Variants in CNTNAP2 observed in about 807,000 individuals in gnomAD.
CNTNAP2 encodes the protein contactin-associated protein-like 2.
Under a neutral mutation model 155.2 loss-of-function variants are expected in CNTNAP2, and 98 were observed. The ratio of observed to expected loss-of-function variants is 0.63; its 90% CI spans 0.54 to 0.75. The LOEUF is 0.75. CNTNAP2 is among the 30% of genes least tolerant of loss of function. The pLI is 0.00. For synonymous variants in CNTNAP2, 651 were observed against 631.2 expected, an observed-to-expected ratio of 1.03 and a Z score of -0.47; for missense variants, 1,727 against 1,688.1, an observed-to-expected ratio of 1.02 and a Z score of -0.40.
At chr7:146,161,566 T>A (rs989697789) in intron 1 of CNTNAP2, among the ~76,000 whole-genome samples, 1 of 152,144 alleles carries the variant, frequency 6.6e-6, no homozygotes, top group Non-Finnish European at 1.5e-5. Flanking sequence ...AGAATCAATA[T>A]TGTGAAAATG....
intron 18 of CNTNAP2, among the ~76,000 whole-genome samples, chr7:148,198,566 G>A (rs1165031646): frequency 4.6e-5 from 7 of 152,148 alleles, no homozygotes; most frequent in South Asian, 2.1e-4. Context: ...GATTGTGACC[G>A]TATGTGTCCC....
intron 12 of CNTNAP2, among the ~76,000 whole-genome samples, chr7:147,611,617 T>C (rs993751329): frequency 6.6e-6 from 1 of 152,232 alleles, no homozygotes; most frequent in Non-Finnish European, 1.5e-5. Flanking sequence ...CAGTGCTTCA[T>C]CTGTCATCCA....
intron 3 of CNTNAP2, among the ~76,000 whole-genome samples, chr7:146,876,844 G>C (rs1247501015): frequency 6.6e-6 from 1 of 152,126 alleles, no homozygotes; most frequent in African/African-American, 2.4e-5. Context: ...AGAAAAGACT[G>C]GAGGAAATGC....
At chr7:146,860,412 G>A (rs900241808) in intron 3 of CNTNAP2, among the ~76,000 whole-genome samples, 1 of 152,186 alleles carries the variant, frequency 6.6e-6, no homozygotes. Context: ...GTGGCAGGGT[G>A]TGTGGCCTGG....
intron 1 of CNTNAP2, among the ~76,000 whole-genome samples, chr7:146,331,030 C>T (rs1190017535): frequency 6.6e-6 from 1 of 152,116 alleles, no homozygotes; most frequent in Admixed American, 6.5e-5. Flanking sequence ...CATGGCCGGG[C>T]GCGGTGGCTC....
At chr7:147,642,336 G>T (rs1332845353) in intron 13 of CNTNAP2, among the ~76,000 whole-genome samples, 1 of 151,892 alleles carries the variant, frequency 6.6e-6, no homozygotes, top group East Asian at 1.9e-4. Flanking sequence ...TTTTGCTCTG[G>T]TAATTAAAAA....
chr7:147,025,503 G>A (rs1798901110), intron 3 of CNTNAP2, among the ~76,000 whole-genome samples: 1 of 73,688 alleles, frequency 1.4e-5, no homozygotes, highest in Admixed American at 1.4e-4. Flanking sequence ...GAGGGGAGGG[G>A]GACGGGGAGA....
intron 15 of CNTNAP2, among the ~76,000 whole-genome samples, chr7:148,089,759 C>A (rs1053929804): frequency 6.6e-6 from 1 of 151,580 alleles, no homozygotes; most frequent in Non-Finnish European, 1.5e-5. Context: ...ATTCCAATAA[C>A]ATTTTTTACA....
intron 1 of CNTNAP2, among the ~76,000 whole-genome samples, chr7:146,353,050 G>C (rs1036748071): frequency 3.3e-5 from 5 of 152,020 alleles, no homozygotes; most frequent in Non-Finnish European, 5.9e-5. Context: ...CACCGCGCCC[G>C]GCCAGGGGAT....
At position 146,571,704 on chromosome 7, in the gene CNTNAP2, T is replaced by A. The variant is rs566733947; in HGVS notation, c.98-202567T>A. Among the ~76,000 whole-genome samples the A allele has an allele frequency of 2.6e-3, 387 of 150,692 alleles. 3 individuals are homozygous for A. The highest frequency in any genetic ancestry group is 3.9e-3 in the Non-Finnish European group (263 of 67,840). Reference sequence around the variant, plus strand: ...AGGCGATAGTGTTGTTGCATAGGCATTTAAACATTTAAAAACTTTTCTTTT... The same window carrying A: ...AGGCGATAGTGTTGTTGCATAGGCAATTAAACATTTAAAAACTTTTCTTTT... On this transcript the variant is annotated intron_variant, in intron 1 of 23. Coordinates refer to ENST00000361727, the MANE Select transcript of CNTNAP2 (RefSeq NM_014141.6).
chr7:146,968,073 GT>G (rs1563024591), intron 3 of CNTNAP2, among the ~76,000 whole-genome samples: 1 of 150,074 alleles, frequency 6.7e-6, no homozygotes, highest in African/African-American at 2.4e-5. Flanking sequence ...ATAATCATGT[GT>G]TTTTTGTCTT....
intron 4 of CNTNAP2, among the ~76,000 whole-genome samples, chr7:147,106,939 T>C (rs1800777674): frequency 6.6e-6 from 1 of 152,178 alleles, no homozygotes; most frequent in Admixed American, 6.6e-5. Context: ...AATATTTCTC[T>C]GACAGGCTTT....
intron 21 of CNTNAP2, among the ~76,000 whole-genome samples, chr7:148,270,977 A>G (rs6464863): frequency 0.76 from 115,671 of 152,168 alleles, 44,117 homozygotes; most frequent in South Asian, 0.87. Context: ...TAATCTATTT[A>G]CAGCAGGCTG....
intron 1 of CNTNAP2, among the ~76,000 whole-genome samples, chr7:146,604,184 G>T (rs1214884535): frequency 1.6e-5 from 1 of 64,498 alleles, no homozygotes; most frequent in Non-Finnish European, 2.9e-5. Flanking sequence ...TCTGACAAAG[G>T]GCTAATATCC....
intron 21 of CNTNAP2, among the ~76,000 whole-genome samples, chr7:148,368,275 G>A (rs1234818138): frequency 6.6e-6 from 1 of 152,196 alleles, no homozygotes; most frequent in Admixed American, 6.5e-5. Flanking sequence ...GGTGGGGGTT[G>A]CTGGCGGCTA....
chr7:147,639,388 T>C (rs1712580988), intron 13 of CNTNAP2, 82 bp downstream of exon 13: 2 of 1,313,290 alleles, frequency 1.5e-6, no homozygotes, highest in Non-Finnish European at 1.1e-6. Flanking sequence ...CAGGTGTGGT[T>C]CATTATCTTA....
chr7:147,577,856 A>C (rs1800424842), intron 12 of CNTNAP2, among the ~76,000 whole-genome samples: 1 of 152,048 alleles, frequency 6.6e-6, no homozygotes, highest in Admixed American at 6.6e-5. Context: ...CATTGTTCTC[A>C]CCACCTCTAC....
chr7:146,594,026 C>G (rs1798823127), intron 1 of CNTNAP2, among the ~76,000 whole-genome samples: 2 of 152,134 alleles, frequency 1.3e-5, no homozygotes, highest in Admixed American at 1.3e-4. Flanking sequence ...TCTGATGACC[C>G]TGGCCTGTCT....
chr7:147,286,640 G>A (rs1035304569), intron 8 of CNTNAP2, among the ~76,000 whole-genome samples: 6 of 152,080 alleles, frequency 3.9e-5, no homozygotes, highest in South Asian at 2.1e-4. Context: ...ACCACTGAAA[G>A]TGCATACAAA....
Sources: gnomAD v4.1 joint callset for allele counts (sites outside exome capture counted in the v4.1 genomes callset) on GRCh38, gnomAD v4.1.1 for gene constraint, MANE v1.5 for transcripts, NCBI Gene and HGNC (gene_info 2026-07-23, HGNC 2026-07-21) for gene names.